Variants in IMMP2L observed in about 807,000 individuals in gnomAD.
IMMP2L encodes the protein inner mitochondrial membrane peptidase subunit 2, also known as mitochondrial inner membrane protease subunit 2.
A neutral mutation model predicts 19.3 loss-of-function variants in IMMP2L; 18 were observed. The observed-to-expected ratio is 0.93, with a 90% CI of 0.64 to 1.38. The LOEUF (loss-of-function observed/expected upper bound fraction) is 1.38. IMMP2L is among the 40% of genes most tolerant of loss of function. The pLI, the probability that IMMP2L is intolerant of heterozygous loss-of-function variation, is 0.00. For missense variants in IMMP2L, 233 were observed against 218.2 expected, an observed-to-expected ratio of 1.07 and a Z score of -0.43; for synonymous variants, 76 against 73.0, an observed-to-expected ratio of 1.04 and a Z score of -0.21.
intron 3 of IMMP2L, among the ~76,000 whole-genome samples, chr7:111,402,585 C>T (rs10243454): frequency 0.023 from 3,475 of 152,018 alleles, 133 homozygotes; most frequent in African/African-American, 0.079. Flanking sequence ...GTAGCATGCA[C>T]CAGAAGTCCC....
At chr7:111,368,365 G>A (rs1270571643) in intron 3 of IMMP2L, among the ~76,000 whole-genome samples, 1 of 151,824 alleles carries the variant, frequency 6.6e-6, no homozygotes, top group Non-Finnish European at 1.5e-5. Flanking sequence ...AAAACTCTCT[G>A]CTCAGTCCAA....
chr7:110,901,684 G>A (rs1017059971), intron 4 of IMMP2L, among the ~76,000 whole-genome samples: 2 of 152,172 alleles, frequency 1.3e-5, no homozygotes, highest in Non-Finnish European at 2.9e-5. Context: ...TCTGGATACA[G>A]ATATTGCATA....
chr7:110,686,766 C>G (rs1793144009), intron 5 of IMMP2L, among the ~76,000 whole-genome samples: 1 of 152,120 alleles, frequency 6.6e-6, no homozygotes, highest in South Asian at 2.1e-4. Flanking sequence ...TTTCCTCTTC[C>G]CTGAACGAAC....
chr7:111,224,994 C>T (rs1029941774), intron 3 of IMMP2L, among the ~76,000 whole-genome samples: 1 of 152,166 alleles, frequency 6.6e-6, no homozygotes, highest in African/African-American at 2.4e-5. Context: ...AAAGCACTCA[C>T]TGCAACTAGA....
intron 1 of IMMP2L, among the ~76,000 whole-genome samples, chr7:111,546,851 T>C (rs1165926472): frequency 6.6e-6 from 1 of 152,168 alleles, no homozygotes; most frequent in Non-Finnish European, 1.5e-5. Context: ...CCACTAAACA[T>C]TTAAATTGTA....
At chr7:110,738,024 A>G (rs1013728951) in intron 5 of IMMP2L, among the ~76,000 whole-genome samples, 1 of 152,212 alleles carries the variant, frequency 6.6e-6, no homozygotes, top group Non-Finnish European at 1.5e-5. Context: ...CACCCCATCA[A>G]TGAAGCACCC....
intron 5 of IMMP2L, among the ~76,000 whole-genome samples, chr7:110,840,199 T>G (rs1804928641): frequency 6.6e-6 from 1 of 152,120 alleles, no homozygotes; most frequent in Non-Finnish European, 1.5e-5. Context: ...CTCCCCACTT[T>G]CACCCTCAGA....
At chr7:110,849,298 A>C (rs1336073413) in intron 5 of IMMP2L, among the ~76,000 whole-genome samples, 1 of 152,148 alleles carries the variant, frequency 6.6e-6, no homozygotes. Context: ...TTTTTGATAA[A>C]GAGTAACTTA....
At chr7:110,733,532 GAA>G (rs1796415655) in intron 5 of IMMP2L, among the ~76,000 whole-genome samples, 1 of 129,826 alleles carries the variant, frequency 7.7e-6, no homozygotes, top group Non-Finnish European at 1.8e-5. Flanking sequence ...GGAAGGAAGA[GAA>G]AGAGAGAAGG....
At chr7:111,365,226 G>A (rs763268733) in intron 3 of IMMP2L, among the ~76,000 whole-genome samples, 3 of 152,016 alleles carry the variant, frequency 2.0e-5, no homozygotes, top group African/African-American at 2.4e-5. Context: ...TGTACTTCAC[G>A]AAAGATGTAG....
chr7:110,812,522 A>C (rs976471564), intron 5 of IMMP2L, among the ~76,000 whole-genome samples: 2 of 152,078 alleles, frequency 1.3e-5, no homozygotes, highest in Non-Finnish European at 2.9e-5. Flanking sequence ...GCTATCTTCT[A>C]GGAGCTGGCA....
chr7:111,226,879 C>G (rs1368377174), intron 3 of IMMP2L, among the ~76,000 whole-genome samples: 1 of 151,806 alleles, frequency 6.6e-6, no homozygotes, highest in Non-Finnish European at 1.5e-5. Context: ...TACGAAGGGA[C>G]AGAATGGAGA....
At chr7:111,158,697 A>G (rs1009488537) in intron 3 of IMMP2L, among the ~76,000 whole-genome samples, 1 of 152,166 alleles carries the variant, frequency 6.6e-6, no homozygotes, top group Non-Finnish European at 1.5e-5. Flanking sequence ...CCACAAATAC[A>G]TATTGTGTTG....
chr7:111,501,753 C>T lies in IMMP2L; in HGVS notation c.136-14412G>A, dbSNP rs190400301. Among the ~76,000 whole-genome samples, 52 of 152,236 alleles carry T rather than the reference C, an allele frequency of 3.4e-4. 1 individual carries two copies. Among genetic ancestry groups the T allele is most frequent in the African/African-American group, 1.1e-3 (47 of 41,548 alleles). ...TCATAAGTGAAGGAGAAATAAAATA[C>T]TTTACAGAGATGCACATGCTGAGAG... On this transcript the variant is annotated intron_variant, in intron 2 of 5. Transcript: ENST00000405709.
chr7:110,926,910 T>G (rs1814918640), intron 4 of IMMP2L, among the ~76,000 whole-genome samples: 1 of 152,166 alleles, frequency 6.6e-6, no homozygotes, highest in Admixed American at 6.6e-5. Flanking sequence ...CTGTAAATCT[T>G]TTAAGTGACT....
intron 3 of IMMP2L, among the ~76,000 whole-genome samples, chr7:111,187,997 C>A (rs1283435892): frequency 6.6e-6 from 1 of 151,670 alleles, no homozygotes; most frequent in African/African-American, 2.4e-5. Flanking sequence ...ATAGAGAAGT[C>A]CAAGTTGATT....
intron 3 of IMMP2L, among the ~76,000 whole-genome samples, chr7:111,183,306 G>A (rs1383101580): frequency 6.6e-6 from 1 of 151,992 alleles, no homozygotes; most frequent in Non-Finnish European, 1.5e-5. Context: ...GCCTTTATAA[G>A]GGATATTAGT....
chr7:111,138,964 T>G (rs935480666), intron 3 of IMMP2L, among the ~76,000 whole-genome samples: 4 of 152,266 alleles, frequency 2.6e-5, no homozygotes, highest in Admixed American at 2.6e-4. Context: ...ACCACAACTA[T>G]AGGAGAAAAT....
chr7:111,283,203 C>T (rs890419268), intron 3 of IMMP2L, among the ~76,000 whole-genome samples: 1 of 152,110 alleles, frequency 6.6e-6, no homozygotes, highest in Non-Finnish European at 1.5e-5. Flanking sequence ...TTAACCTACT[C>T]CTATGTAACC....
Sources: allele counts gnomAD v4.1 joint callset (sites outside exome capture counted in the v4.1 genomes callset), GRCh38; gene constraint gnomAD v4.1.1; transcripts MANE v1.5; gene names NCBI Gene and HGNC (gene_info 2026-07-23, HGNC 2026-07-21).